OSTF1: variants seen among roughly 807,000 people sequenced by gnomAD.
OSTF1 encodes osteoclast-stimulating factor 1.
A neutral mutation model predicts 37.2 loss-of-function variants in OSTF1; 27 were observed. The observed-to-expected ratio is 0.73, with a 90% CI of 0.54 to 1.00. The LOEUF (loss-of-function observed/expected upper bound fraction) is 1.00. Among genes scored for constraint, OSTF1 ranks in the 50% least tolerant of loss-of-function variants. OSTF1 has a pLI of 0.00. For missense variants in OSTF1, 232 were observed against 253.8 expected, an observed-to-expected ratio of 0.91 and a Z score of 0.58; for synonymous variants, 82 against 89.2, an observed-to-expected ratio of 0.92 and a Z score of 0.46.
At chr9:75,120,924 A>G (rs984633296) in intron 2 of OSTF1, among the ~76,000 whole-genome samples, 1 of 152,092 alleles carries the variant, frequency 6.6e-6, no homozygotes, top group African/African-American at 2.4e-5. Flanking sequence ...CTCTTCTGTA[A>G]AGACTTTTCT....
chr9:75,101,212 C>T (rs576911927), intron 1 of OSTF1, among the ~76,000 whole-genome samples: 1 of 152,260 alleles, frequency 6.6e-6, no homozygotes, highest in East Asian at 1.9e-4. Flanking sequence ...AGGCGGAGCC[C>T]TGGAGTGGAG....
At chr9:75,100,248 A>G (rs1024673510) in intron 1 of OSTF1, among the ~76,000 whole-genome samples, 1 of 152,200 alleles carries the variant, frequency 6.6e-6, no homozygotes, top group Non-Finnish European at 1.5e-5. Flanking sequence ...CTGCCACGCC[A>G]TCCACATCTT....
chr9:75,140,589 T>G (rs1825925254), intron 8 of OSTF1, among the ~76,000 whole-genome samples: 1 of 152,222 alleles, frequency 6.6e-6, no homozygotes, highest in Non-Finnish European at 1.5e-5. Flanking sequence ...AAAGTTCACA[T>G]GCAATTCTAT....
intron 2 of OSTF1, among the ~76,000 whole-genome samples, chr9:75,120,764 A>G (rs933034875): frequency 6.6e-6 from 1 of 152,142 alleles, no homozygotes; most frequent in Non-Finnish European, 1.5e-5. Context: ...ATGTCATCCT[A>G]TATAGTCCAG....
intron 1 of OSTF1, among the ~76,000 whole-genome samples, chr9:75,112,028 T>C (rs1004711227): frequency 6.6e-5 from 10 of 151,694 alleles, no homozygotes; most frequent in Non-Finnish European, 1.5e-4. Flanking sequence ...TTTCACCAAG[T>C]TAGCCAGGCT....
At position 75,131,894 on chromosome 9, in the gene OSTF1, G is replaced by A. The variant is rs181462505; in HGVS notation, c.250+71G>A. On this transcript the variant is annotated intron_variant, in intron 5 of 9. Coordinates refer to ENST00000346234, the MANE Select transcript of OSTF1 (RefSeq NM_012383.5). ...CACGGATTTCAATTAGCTTTGACAA[G>A]TGCATACACCCACGTAACCAACACC... The A allele has an allele frequency of 4.6e-3, 5,066 of 1,094,562 alleles. 32 individuals are homozygous for A. The highest frequency in any genetic ancestry group is 0.015 in the Middle Eastern group (76 of 5,038). The allele number at this position is 1,094,562 out of a possible 1,614,324, so 67.8% of individuals were successfully genotyped here. A position where few individuals can be genotyped will look rare whatever the true frequency, so the allele number is the denominator to read the frequency against.
intron 1 of OSTF1, among the ~76,000 whole-genome samples, chr9:75,102,450 TA>T (rs1486785402): frequency 6.6e-6 from 1 of 152,206 alleles, no homozygotes; most frequent in African/African-American, 2.4e-5. Flanking sequence ...AAACAAAAAA[TA>T]TCAGAGTGAA....
In OSTF1 at chr9:75,088,679, C is replaced by T; in HGVS notation, c.-14C>T. 6.2e-7 allele frequency: 1 copy of T among 1,607,388 alleles called. No homozygotes were observed. Among genetic ancestry groups the T allele is most frequent in the Non-Finnish European group, 8.5e-7 (1 of 1,176,836 alleles). ...TCGGCGGGGTCTTTAGGATTTGCAG[C>T]TCCAGGAAGCGAGATGTCGAAGCCG... On this transcript the variant is annotated 5_prime_UTR_variant, in exon 1 of 10. Coordinates refer to ENST00000346234, the MANE Select transcript of OSTF1 (RefSeq NM_012383.5).
At chr9:75,141,032 CT>C in intron 9 of OSTF1, 100 bp downstream of exon 9, 1 of 797,606 alleles carries the variant, frequency 1.3e-6, no homozygotes, top group Non-Finnish European at 2.0e-6. Flanking sequence ...AGTGCAGTGG[CT>C]TATACCTGTA....
intron 1 of OSTF1, among the ~76,000 whole-genome samples, chr9:75,093,064 CTT>C (rs1043919048): frequency 1.8e-5 from 2 of 112,846 alleles, no homozygotes; most frequent in Non-Finnish European, 3.8e-5. Flanking sequence ...TTCTTTCTTT[CTT>C]TTTTTTTTTT....
chr9:75,096,839 C>T (rs1825095499), intron 1 of OSTF1, among the ~76,000 whole-genome samples: 1 of 152,186 alleles, frequency 6.6e-6, no homozygotes, highest in Admixed American at 6.5e-5. Flanking sequence ...TGGCAGGTAT[C>T]TCAGACTCCA....
chr9:75,097,590 G>A (rs994737291), intron 1 of OSTF1, among the ~76,000 whole-genome samples: 1 of 152,022 alleles, frequency 6.6e-6, no homozygotes, highest in African/African-American at 2.4e-5. Flanking sequence ...ATTTTTTGAG[G>A]ATCTCATTGG....
intron 1 of OSTF1, among the ~76,000 whole-genome samples, chr9:75,112,144 T>C (rs1298942114): frequency 6.6e-6 from 1 of 151,648 alleles, no homozygotes; most frequent in East Asian, 1.9e-4. Context: ...TTTAAGGATG[T>C]TTGCAGGGAA....
chr9:75,136,000 C>T (rs1825836973), intron 7 of OSTF1, among the ~76,000 whole-genome samples: 1 of 152,156 alleles, frequency 6.6e-6, no homozygotes, highest in South Asian at 2.1e-4. Context: ...AGGTCAGGCC[C>T]ACCTGGGATA....
chr9:75,092,817 T>TAC (rs1285697727), intron 1 of OSTF1, among the ~76,000 whole-genome samples: 3 of 152,114 alleles, frequency 2.0e-5, no homozygotes, highest in Non-Finnish European at 4.4e-5. Context: ...CAAAAGGCTA[T>TAC]ACGGTATTGC....
intron 1 of OSTF1, among the ~76,000 whole-genome samples, chr9:75,111,373 C>G (rs1564158454): frequency 6.6e-6 from 1 of 152,122 alleles, no homozygotes; most frequent in Non-Finnish European, 1.5e-5. Context: ...ACTCACCCTT[C>G]TCTTCAGGGA....
chr9:75,139,541 G>A (rs2118622943), intron 8 of OSTF1, among the ~76,000 whole-genome samples: 1 of 152,144 alleles, frequency 6.6e-6, no homozygotes, highest in African/African-American at 2.4e-5. Flanking sequence ...TGATTCTCAT[G>A]CCTCAGTCTC....
chr9:75,137,157 A>ACCAATATC, intron 7 of OSTF1, among the ~76,000 whole-genome samples: 1 of 152,188 alleles, frequency 6.6e-6, no homozygotes, highest in South Asian at 2.1e-4. Context: ...AGTACTTTAA[A>ACCAATATC]CCAATATCTC....
intron 9 of OSTF1, among the ~76,000 whole-genome samples, chr9:75,143,209 T>G (rs1009693260): frequency 6.6e-6 from 1 of 152,124 alleles, no homozygotes; most frequent in African/African-American, 2.4e-5. Context: ...CCAAGGTAGT[T>G]GTTGTCTACT....
Sources: gnomAD v4.1 joint callset for allele counts (sites outside exome capture counted in the v4.1 genomes callset) on GRCh38, gnomAD v4.1.1 for gene constraint, MANE v1.5 for transcripts, NCBI Gene and HGNC (gene_info 2026-07-23, HGNC 2026-07-21) for gene names.